The following RIC8A variants were observed in gnomAD, a reference collection of about 807,000 sequenced individuals.
RIC8A encodes the protein RIC8 guanine nucleotide exchange factor A, also known as chaperone Ric-8A.
A neutral mutation model predicts 48.4 loss-of-function variants in RIC8A; 37 were observed. The observed-to-expected ratio is 0.77, with a 90% CI of 0.59 to 1.01. The LOEUF is 1.01. Among genes scored for constraint, RIC8A ranks in the 50% least tolerant of loss-of-function variants. RIC8A has a pLI of 0.00. For synonymous variants in RIC8A, 288 were observed against 283.4 expected, an observed-to-expected ratio of 1.02 and a Z score of -0.16; for missense variants, 681 against 696.8, an observed-to-expected ratio of 0.98 and a Z score of 0.25.
chr11:209,163 C>T (rs1302222050), intron 1 of RIC8A, 108 bp from the exon 2 acceptor site: 1 of 1,351,400 alleles, frequency 7.4e-7, no homozygotes, highest in South Asian at 1.2e-5. Flanking sequence ...CCCTGCCATC[C>T]GTTCTGAGCA....
At chr11:214,061 G>A (rs1269184443) in intron 9 of RIC8A, 169 bp from the exon 10 acceptor site, 19 of 713,242 alleles carry the variant, frequency 2.7e-5, no homozygotes, top group Non-Finnish European at 2.3e-6. Context: ...TTAAAGCCAG[G>A]AGGCAGCAGT....
intron 1 of RIC8A, 69 bp downstream of exon 1, chr11:209,007 G>A: frequency 1.5e-6 from 2 of 1,350,082 alleles, no homozygotes; most frequent in East Asian, 2.5e-5. Context: ...CGGGTAGCAG[G>A]GAGGGCGTGG....
chr11:213,377 C>T lies in RIC8A; in HGVS notation c.1434C>T (p.His478=), dbSNP rs75503761. 4.4e-3 allele frequency: 7,060 copies of T among 1,609,096 alleles called. 37 individuals are homozygous for T. Among genetic ancestry groups the T allele is most frequent in the Admixed American group, 6.5e-3 (388 of 59,330 alleles). The part of the protein sequence containing the change: ...MEGMTEEQKE[H]EAMKLVTMFD... ...GCATGACAGAGGAGCAGAAGGAGCA[C>T]GAGGCCATGAAGCTGGTGACCATGT... Residue 478 remains histidine (H), a synonymous_variant, in exon 9 of 10, where the codon CAC becomes CAT. Transcript: ENST00000526104.
At chr11:210,069 C>A in intron 3 of RIC8A, 69 bp downstream of exon 3, 2 of 1,343,528 alleles carry the variant, frequency 1.5e-6, no homozygotes, top group Non-Finnish European at 2.0e-6. Flanking sequence ...CTGCTTCCTA[C>A]TGGGTACCTT....
At chr11:210,263 C>G in intron 3 of RIC8A, 2 of 671,674 alleles carry the variant, frequency 3.0e-6, no homozygotes, top group East Asian at 2.7e-5. Context: ...AAGAGATCCT[C>G]CACCATGAGG....
Position 210,551 on chromosome 11 carries a change from A to T in RIC8A, c.727-20A>T. On this transcript the variant is annotated intron_variant, in intron 3 of 9. Coordinates refer to ENST00000526104, the MANE Select transcript of RIC8A (RefSeq NM_001286134.2). ...GGGATGAGTGGGGCTCCTCACAGGA[A>T]CCCTTCTTTCTTTGGTCAGGAAGAC... 6.2e-7 allele frequency: 1 copy of T among 1,606,284 alleles called. No individual in the cohort carries two copies.
At chr11:209,249 A>AATTC in intron 1 of RIC8A, 22 bp from the exon 2 acceptor site, 1 of 1,613,998 alleles carries the variant, frequency 6.2e-7, no homozygotes, top group Admixed American at 1.7e-5. Context: ...TGTGGATTTG[A>AATTC]ATTCACTAGT....
Position 212,761 on chromosome 11 carries a change from T to C in RIC8A, c.1210+2T>C. The C allele has an allele frequency of 1.2e-6, 2 of 1,613,952 alleles. No homozygotes were observed. Among genetic ancestry groups the C allele is most frequent in the Non-Finnish European group, 1.7e-6 (2 of 1,179,940 alleles). ...TGTTTGTCCTGTGCTCTGAGAGTGGTGAGTTATGGAGACCCAGGTCCCAGC... is the reference window on the plus strand; with the variant it reads ...TGTTTGTCCTGTGCTCTGAGAGTGGCGAGTTATGGAGACCCAGGTCCCAGC... On this transcript the variant is annotated splice_donor_variant, in intron 7 of 9. Transcript: ENST00000526104. LOFTEE classifies it high-confidence loss of function.
rs1855254722 is a variant in RIC8A at position 208,729 on chromosome 11, C to T, written c.-126C>T. 1.6e-6 allele frequency: 1 copy of T among 635,432 alleles called. No individual in the cohort carries two copies. The highest frequency in any genetic ancestry group is 2.6e-6 in the Non-Finnish European group (1 of 391,836). The allele number at this position is 635,432 out of a possible 1,614,324, so 39.4% of individuals were successfully genotyped here. ...ACGCTGCGCCCCGTTAAAGCGCCACCAGACGCCGCGCCCCGTCCCGGCCTC... is the reference window on the plus strand; with the variant it reads ...ACGCTGCGCCCCGTTAAAGCGCCACTAGACGCCGCGCCCCGTCCCGGCCTC... On this transcript the variant is annotated 5_prime_UTR_variant, in exon 1 of 10. Transcript: ENST00000526104. The surrounding 1 kb of genome is among the most constrained non-coding windows in gnomAD (Gnocchi z 4.8).
At chr11:210,413 C>T in intron 3 of RIC8A, 158 bp from the exon 4 acceptor site, 1 of 775,012 alleles carries the variant, frequency 1.3e-6, no homozygotes, top group Non-Finnish European at 2.3e-6. Flanking sequence ...CCAGCACTAC[C>T]CAGAGTCACC....
At position 215,005 on chromosome 11, in the gene RIC8A, TACA is replaced by T. The variant is rs1013066860; in HGVS notation, c.*660_*662del. 4.9e-5 allele frequency: 8 copies of T among 162,982 alleles called. No homozygotes were observed. The highest frequency in any genetic ancestry group is 2.9e-4 in the South Asian group (2 of 6,790). 10.1% of individuals were successfully genotyped at this position (162,982 alleles called of 1,614,324 possible). A position where few individuals can be genotyped will look rare whatever the true frequency, so the allele number is the denominator to read the frequency against. On this transcript the variant is annotated 3_prime_UTR_variant, in exon 10 of 10. Transcript: ENST00000526104. The stretch of plus-strand genomic sequence containing the variant: ...CCTTCCTACTGGTTTAGACTACACT[TACA>T]ACAAGGAAAATGCCCCTCGTGTGAC...
rs1163828016 is a variant in RIC8A, at chr11:210,560, T to C, written c.727-11T>C. The C allele has an allele frequency of 5.6e-6, 9 of 1,613,510 alleles. No individual in the cohort carries two copies. In the African/African-American group the frequency reaches 1.2e-4, roughly 22 times the overall value. ...GGGGCTCCTCACAGGAACCCTTCTTTCTTTGGTCAGGAAGACGCTGCCCTT... is the reference window on the plus strand; with the variant it reads ...GGGGCTCCTCACAGGAACCCTTCTTCCTTTGGTCAGGAAGACGCTGCCCTT... On this transcript the variant is annotated splice_polypyrimidine_tract_variant and intron_variant, in intron 3 of 9. Transcript: ENST00000526104.
chr11:212,053 T>G, intron 5 of RIC8A: 1 of 278,820 alleles, frequency 3.6e-6, no homozygotes, highest in East Asian at 9.1e-5. Context: ...CGTTTCTTTT[T>G]GCCACCAACA....
Position 214,309 on chromosome 11 carries a change from G to C in RIC8A, c.1555G>C (p.Glu519Gln), listed in dbSNP as rs372878828. ...SLQDAMCETM[E>Q]QQLSSDPDSD... ...GCAGGATGCCATGTGCGAGACTATG[G>C]AGCAGCAGCTCTCCTCGGACCCTGA... is the stretch of plus-strand genomic sequence containing the variant. Residue 519 changes from glutamate to glutamine, a missense_variant, in exon 10 of 10, where the codon GAG (glutamate) becomes CAG (glutamine). Transcript: ENST00000526104. The C allele has an allele frequency of 8.1e-6, 13 of 1,612,570 alleles. No individual in the cohort carries two copies. The highest frequency in any genetic ancestry group is 1.1e-5 in the Non-Finnish European group (13 of 1,179,466).
chr11:210,603 C>A lies in RIC8A; in HGVS notation c.759C>A (p.Thr253=), dbSNP rs1183288654. 15 of 1,613,970 alleles carry A rather than the reference C, an allele frequency of 9.3e-6. No individual in the cohort carries two copies. Among genetic ancestry groups the A allele is most frequent in the African/African-American group, 1.3e-5 (1 of 74,916 alleles). Reference sequence around the variant, plus strand: ...CTGCCCTTTACCGACACCTGGGGACCCTTCTCCGGCACTGTGTGATGATCG... The same window carrying A: ...CTGCCCTTTACCGACACCTGGGGACACTTCTCCGGCACTGTGTGATGATCG... ...EDAALYRHLG[T]LLRHCVMIAT... Residue 253 remains threonine, a synonymous_variant, in exon 4 of 10, where the codon ACC becomes ACA. Transcript: ENST00000526104.
In RIC8A at chr11:211,935, T is replaced by A. The variant is rs1346747177; in HGVS notation, c.970-481T>A. 5.4e-6 allele frequency: 1 copy of A among 186,304 alleles called. No individual in the cohort carries two copies. The highest frequency in any genetic ancestry group is 1.1e-5 in the Non-Finnish European group (1 of 88,042). The allele number at this position is 186,304 out of a possible 1,614,324, so 11.5% of individuals were successfully genotyped here. On this transcript the variant is annotated intron_variant, in intron 5 of 9. Transcript: ENST00000526104. This position sits in a 1 kb window ranked among gnomAD's most constrained non-coding sequence, Gnocchi z 4.0. Reference sequence around the variant, plus strand: ...CTGGACACACAGCTAGGGGGTTGTCTGTGCCCGTCGCTGCCACTGCTGGTG... The same window carrying A: ...CTGGACACACAGCTAGGGGGTTGTCAGTGCCCGTCGCTGCCACTGCTGGTG...
Position 208,400 on chromosome 11 carries a change from G to C in RIC8A, c.-455G>C, listed in dbSNP as rs572682002. On this transcript the variant is annotated 5_prime_UTR_variant, in exon 1 of 10. Transcript: ENST00000526104. This position sits in a 1 kb window ranked among gnomAD's most constrained non-coding sequence, Gnocchi z 4.8. The stretch of plus-strand genomic sequence containing the variant: ...ACAAAGGCAGGGACCTGGGAATCCC[G>C]TTCGCCTGCATTCCCCAGCAAACGC... 6.4e-6 allele frequency: 1 copy of C among 156,106 alleles called. No individual in the cohort carries two copies. The highest frequency in any genetic ancestry group is 2.4e-5 in the African/African-American group (1 of 41,580). The allele number at this position is 156,106 out of a possible 1,614,324, so 9.7% of individuals were successfully genotyped here. A position where few individuals can be genotyped will look rare whatever the true frequency, so the allele number is the denominator to read the frequency against.
chr11:211,139 AG>A lies in RIC8A; in HGVS notation c.819-59del. 4 of 1,545,312 alleles carry A rather than the reference AG, an allele frequency of 2.6e-6. No homozygotes were observed. Among genetic ancestry groups the A allele is most frequent in the South Asian group, 1.2e-5 (1 of 82,358 alleles). ...AATGTGTGGTTCAGCGGAGTCACAA[AG>A]ATTGCACCTGTGCTCAGGGATTAGC... On this transcript the variant is annotated intron_variant, in intron 4 of 9. Transcript: ENST00000526104. This position sits in a 1 kb window ranked among gnomAD's most constrained non-coding sequence, Gnocchi z 4.0.
chr11:213,430 G>T lies in RIC8A; in HGVS notation c.1475+12G>T. The T allele has an allele frequency of 1.3e-6, 2 of 1,569,590 alleles. No homozygotes were observed. The highest frequency in any genetic ancestry group is 8.6e-7 in the Non-Finnish European group (1 of 1,156,686). ...GACAAGCTCTCCAGGTGTGTGGCAT[G>T]AGGAGGAGGGGCCTGCAGCTGGGAG... On this transcript the variant is annotated intron_variant, in intron 9 of 9. Coordinates refer to ENST00000526104, the MANE Select transcript of RIC8A (RefSeq NM_001286134.2).
Sources: gnomAD v4.1 joint callset for allele counts on GRCh38, gnomAD v4.1.1 for gene constraint, Gnocchi (gnomAD v3.1) non-coding constraint, MANE v1.5 for transcripts, NCBI Gene and HGNC (gene_info 2026-07-23, HGNC 2026-07-21) for gene names.